The following TNFRSF10D variants were observed in gnomAD, a reference collection of about 807,000 sequenced individuals.
TNFRSF10D encodes the protein tumor necrosis factor receptor superfamily member 10D.
In TNFRSF10D, 28 loss-of-function variants were observed where a neutral mutation model predicts 42.1. The ratio of observed to expected loss-of-function variants is 0.66; its 90% CI spans 0.49 to 0.91. The LOEUF is 0.91. Ranked by LOEUF, TNFRSF10D falls within the 40% of genes least tolerant of loss-of-function variation. The pLI is 0.00. For synonymous variants in TNFRSF10D, 186 were observed against 189.4 expected, an observed-to-expected ratio of 0.98 and a Z score of 0.15; for missense variants, 503 against 486.1, an observed-to-expected ratio of 1.03 and a Z score of -0.33.
chr8:23,142,771 C>T (rs1800048646), intron 7 of TNFRSF10D, among the ~76,000 whole-genome samples: 1 of 152,098 alleles, frequency 6.6e-6, no homozygotes, highest in Non-Finnish European at 1.5e-5. Flanking sequence ...AAAAAGTTTC[C>T]TTGGCAGTGT....
chr8:23,138,008 GAA>G lies in TNFRSF10D; in HGVS notation c.1028-7_1028-6del. 6.2e-7 allele frequency: 1 copy of G among 1,613,896 alleles called. No individual in the cohort carries two copies. The highest frequency in any genetic ancestry group is 1.7e-4 in the Middle Eastern group (1 of 6,056). On this transcript the variant is annotated splice_region_variant and splice_polypyrimidine_tract_variant and intron_variant, in intron 8 of 8. Coordinates refer to ENST00000312584, the MANE Select transcript of TNFRSF10D (RefSeq NM_003840.5). ...AGGCATCCAGCAAGGTGCTGACTGAGAAGAGAGAAGAGATTTAGGGTCTCAAT... is the reference window on the plus strand; with the variant it reads ...AGGCATCCAGCAAGGTGCTGACTGAGGAGAGAAGAGATTTAGGGTCTCAAT...
chr8:23,144,390 T>C (rs1585259063), intron 7 of TNFRSF10D, 60 bp downstream of exon 7: 1 of 1,557,962 alleles, frequency 6.4e-7, no homozygotes, highest in East Asian at 2.3e-5. Context: ...CATGTCCCAC[T>C]GTCTACAAAG....
Position 23,163,925 on chromosome 8 carries a change from C to G in TNFRSF10D, c.11G>C (p.Trp4Ser). The change falls in exon 1 of 9, where the codon TGG (tryptophan) becomes TCG (serine). Residue 4 changes from tryptophan (W) to serine (S), a missense_variant. Transcript: ENST00000312584. The stretch of plus-strand genomic sequence containing the variant: ...CGAGGCGGTCGGGACGCTTTGTCCC[C>G]AAAGTCCCATGAGAAGGGAGGAGGG... MGL[W>S]GQSVPTASSA... The G allele has an allele frequency of 2.5e-6, 4 of 1,575,106 alleles. No individual in the cohort carries two copies. Among genetic ancestry groups the G allele is most frequent in the Non-Finnish European group, 3.4e-6 (4 of 1,165,394 alleles).
At chr8:23,145,134 C>T in intron 5 of TNFRSF10D, 45 bp from the exon 6 acceptor site, 2 of 1,611,870 alleles carry the variant, frequency 1.2e-6, no homozygotes, top group Non-Finnish European at 1.7e-6. Context: ...GGGGCCCATG[C>T]AGCACCTCCC....
At chr8:23,150,479 T>C (rs368244688) in intron 2 of TNFRSF10D, among the ~76,000 whole-genome samples, 911 of 152,122 alleles carry the variant, frequency 6.0e-3, no homozygotes, top group African/African-American at 0.019. Flanking sequence ...TTCCAACATA[T>C]TGCCACAGGC....
chr8:23,140,829 G>T (rs1333967901), intron 7 of TNFRSF10D, among the ~76,000 whole-genome samples: 16 of 152,090 alleles, frequency 1.1e-4, no homozygotes, highest in Non-Finnish European at 1.5e-5. Flanking sequence ...GGCCTCCCCA[G>T]CCATGTGGAA....
chr8:23,140,682 G>A (rs1467672049), intron 7 of TNFRSF10D, among the ~76,000 whole-genome samples: 2 of 152,152 alleles, frequency 1.3e-5, no homozygotes, highest in Non-Finnish European at 2.9e-5. Context: ...GGTTTTTCCA[G>A]TTCTGTTCTT....
chr8:23,142,558 A>G (rs2128836047), intron 7 of TNFRSF10D, among the ~76,000 whole-genome samples: 1 of 152,320 alleles, frequency 6.6e-6, no homozygotes, highest in Non-Finnish European at 1.5e-5. Flanking sequence ...GGTACTTACG[A>G]CCATAAAGAT....
intron 1 of TNFRSF10D, among the ~76,000 whole-genome samples, chr8:23,162,771 C>T (rs1177856997): frequency 6.6e-6 from 1 of 152,056 alleles, no homozygotes; most frequent in Non-Finnish European, 1.5e-5. Flanking sequence ...CTGCAAGCAC[C>T]TTGGTTAACC....
chr8:23,141,126 G>T (rs1380046464), intron 7 of TNFRSF10D, among the ~76,000 whole-genome samples: 4 of 152,154 alleles, frequency 2.6e-5, no homozygotes, highest in Non-Finnish European at 5.9e-5. Context: ...AAGAATTTAT[G>T]ATTAAGTCCT....
In TNFRSF10D at chr8:23,135,792, T is replaced by C. The variant is rs1398176819; in HGVS notation, c.*2078A>G. On this transcript the variant is annotated 3_prime_UTR_variant, in exon 9 of 9. Transcript: ENST00000312584. ...ACACTGATAAGGCTGGTAGTCTAGATGCATCTTCAAGGAAGGCCTCTGAGG... is the reference window on the plus strand; with the variant it reads ...ACACTGATAAGGCTGGTAGTCTAGACGCATCTTCAAGGAAGGCCTCTGAGG... 2.3e-6 allele frequency: 1 copy of C among 432,010 alleles called. No homozygotes were observed. Among genetic ancestry groups the C allele is most frequent in the South Asian group, 1.7e-5 (1 of 60,358 alleles). 26.8% of individuals were successfully genotyped at this position (432,010 alleles called of 1,614,324 possible). A position where few individuals can be genotyped will look rare whatever the true frequency, so the allele number is the denominator to read the frequency against.
intron 5 of TNFRSF10D, 141 bp downstream of exon 5, chr8:23,145,527 G>A: frequency 7.9e-7 from 1 of 1,268,896 alleles, no homozygotes; most frequent in Non-Finnish European, 1.1e-6. Flanking sequence ...CGTGGGGATG[G>A]GGCGATCACA....
At chr8:23,154,269 G>A (rs80111577) in intron 2 of TNFRSF10D, among the ~76,000 whole-genome samples, 922 of 152,152 alleles carry the variant, frequency 6.1e-3, no homozygotes, top group African/African-American at 0.019. Context: ...AGTTAGACAG[G>A]GGGAAATAAA....
At chr8:23,143,230 C>A (rs926450759) in intron 7 of TNFRSF10D, among the ~76,000 whole-genome samples, 5 of 150,096 alleles carry the variant, frequency 3.3e-5, no homozygotes, top group African/African-American at 1.3e-4. Context: ...CCCTCCTCGG[C>A]CTCCCAAAGT....
At chr8:23,161,057 G>A (rs570922327) in intron 1 of TNFRSF10D, among the ~76,000 whole-genome samples, 1 of 152,396 alleles carries the variant, frequency 6.6e-6, no homozygotes, top group African/African-American at 2.4e-5. Context: ...AGCCTCTGCT[G>A]GGTGGAGGAC....
At chr8:23,156,363 C>A (rs186323768) in intron 1 of TNFRSF10D, among the ~76,000 whole-genome samples, 575 of 151,064 alleles carry the variant, frequency 3.8e-3, no homozygotes, top group African/African-American at 0.012. Flanking sequence ...AACTACCTGG[C>A]TCTCAGCAAG....
intron 1 of TNFRSF10D, among the ~76,000 whole-genome samples, chr8:23,157,772 C>T (rs112507950): frequency 6.0e-3 from 906 of 152,184 alleles, no homozygotes; most frequent in African/African-American, 0.019. Context: ...CCCTTTTGAG[C>T]TCCCATAATA....
In TNFRSF10D at chr8:23,146,975, C is replaced by G; in HGVS notation, c.468G>C (p.Arg156=). Residue 156 remains arginine (R), a synonymous_variant, in exon 4 of 9, where the codon CGG becomes CGC. Transcript: ENST00000312584. ...FQDKNSPEMC[R]TCRTGCPRGM... ...TGCTGTCTTACCCTGTTCTACACGT[C>G]CGGCACATCTCAGGGGAGTTTTTAT... 2 of 1,614,118 alleles carry G rather than the reference C, an allele frequency of 1.2e-6. No individual in the cohort carries two copies. Among genetic ancestry groups the G allele is most frequent in the Non-Finnish European group, 1.7e-6 (2 of 1,179,964 alleles).
Position 23,144,504 on chromosome 8 carries a change from C to T in TNFRSF10D, c.900G>A (p.Leu300=). 1 of 1,614,246 alleles carries T rather than the reference C, an allele frequency of 6.2e-7. No homozygotes were observed. Among genetic ancestry groups the T allele is most frequent in the Non-Finnish European group, 8.5e-7 (1 of 1,180,040 alleles). The part of the protein sequence containing the change: ...VSEQEIQGQE[L]AELTGVTVEL... ...CTACAGTCACACCTGTTAGCTCTGC[C>T]AGCTCCTGACCTTGGATTTCCTGCT... The change falls in exon 7 of 9, where the codon CTG becomes CTA. Residue 300 remains leucine (L), a synonymous_variant. Coordinates refer to ENST00000312584, the MANE Select transcript of TNFRSF10D (RefSeq NM_003840.5).
Sources: allele counts gnomAD v4.1 joint callset (sites outside exome capture counted in the v4.1 genomes callset), GRCh38; gene constraint gnomAD v4.1.1; transcripts MANE v1.5; gene names NCBI Gene and HGNC (gene_info 2026-07-23, HGNC 2026-07-21).